Variants in ZPLD1 observed in about 807,000 individuals in gnomAD.
ZPLD1 encodes the protein zona pellucida like domain containing 1, also known as zona pellucida-like domain-containing protein 1.
A neutral mutation model predicts 47.2 loss-of-function variants in ZPLD1; 34 were observed. The ratio of observed to expected loss-of-function variants is 0.72; its 90% CI spans 0.55 to 0.96. The LOEUF (loss-of-function observed/expected upper bound fraction) is 0.96. ZPLD1 is among the 40% of genes least tolerant of loss of function. The probability of loss-of-function intolerance (pLI) is 0.00; values close to 1 mark genes in which losing one functional copy is unlikely to be tolerated. For synonymous variants in ZPLD1, 176 were observed against 186.2 expected (o/e 0.95, Z 0.45); for missense variants, 512 against 505.8 (o/e 1.01, Z -0.12).
At chr3:102,400,333 C>T (rs971564582) in intron 7 of ZPLD1, among the ~76,000 whole-genome samples, 1 of 152,018 alleles carries the variant, frequency 6.6e-6, no homozygotes, top group South Asian at 2.1e-4. Context: ...TGAACACAGT[C>T]TCTCACATTT....
intron 10 of ZPLD1, among the ~76,000 whole-genome samples, chr3:102,470,970 G>GGTC (rs1559762255): frequency 6.6e-6 from 1 of 151,948 alleles, no homozygotes; most frequent in Non-Finnish European, 1.5e-5. Flanking sequence ...GTAGAGATGG[G>GGTC]GTTTCACCAT....
chr3:102,439,053 T>C (rs1707135038), intron 3 of ZPLD1, among the ~76,000 whole-genome samples: 1 of 152,186 alleles, frequency 6.6e-6, no homozygotes, highest in Non-Finnish European at 1.5e-5. Context: ...AGAATGAATT[T>C]CACAGAAACC....
intron 7 of ZPLD1, among the ~76,000 whole-genome samples, chr3:102,406,190 A>C (rs962508268): frequency 1.3e-5 from 2 of 151,976 alleles, no homozygotes; most frequent in Admixed American, 1.3e-4. Flanking sequence ...CAGAAAACTC[A>C]GAGAAAAGTC....
At chr3:102,448,430 T>C (rs1362010360) in intron 3 of ZPLD1, among the ~76,000 whole-genome samples, 3 of 152,136 alleles carry the variant, frequency 2.0e-5, no homozygotes, top group Admixed American at 1.3e-4. Flanking sequence ...TGGCAGAAAT[T>C]GCCCTTTGGC....
At chr3:102,423,719 G>A (rs1362502469) in intron 8 of ZPLD1, among the ~76,000 whole-genome samples, 2 of 152,118 alleles carry the variant, frequency 1.3e-5, no homozygotes, top group African/African-American at 4.8e-5. Flanking sequence ...TGAGTTAGGT[G>A]AGTCTCCCTC....
chr3:102,456,166 A>G, intron 4 of ZPLD1, 27 bp from the exon 5 acceptor site: 8 of 1,595,526 alleles, frequency 5.0e-6, no homozygotes, highest in Non-Finnish European at 6.8e-6. Flanking sequence ...CCATTTAATC[A>G]TTAAACTGCA....
intron 7 of ZPLD1, among the ~76,000 whole-genome samples, chr3:102,397,608 A>G (rs1369190499): frequency 6.6e-6 from 1 of 152,108 alleles, no homozygotes. Flanking sequence ...GGTCTGTGTT[A>G]TGTCAGTCTC....
chr3:102,457,905 C>A (rs901867868), intron 6 of ZPLD1, 52 bp downstream of exon 6: 2 of 1,549,188 alleles, frequency 1.3e-6, no homozygotes, highest in Non-Finnish European at 1.8e-6. Context: ...TGTGAGGAGT[C>A]ATTTATGTGA....
intron 10 of ZPLD1, among the ~76,000 whole-genome samples, chr3:102,470,979 A>G (rs1466124293): frequency 6.6e-6 from 1 of 151,968 alleles, no homozygotes; most frequent in African/African-American, 2.4e-5. Context: ...GGGTTTCACC[A>G]TGTTGCTCAG....
chr3:102,466,008 G>A (rs1236723535), intron 8 of ZPLD1, among the ~76,000 whole-genome samples: 3 of 152,070 alleles, frequency 2.0e-5, no homozygotes, highest in African/African-American at 7.2e-5. Context: ...CCAGGGCTGG[G>A]GAATCTGAAG....
chr3:102,407,408 T>TAC (rs1706701718), intron 7 of ZPLD1, among the ~76,000 whole-genome samples: 2 of 78,522 alleles, frequency 2.5e-5, no homozygotes, highest in Non-Finnish European at 5.0e-5. Context: ...TATATATATA[T>TAC]ATATATATAT....
chr3:102,435,224 A>C (rs922486720), intron 1 of ZPLD1, 70 bp downstream of exon 1: 5 of 1,554,828 alleles, frequency 3.2e-6, no homozygotes, highest in Non-Finnish European at 4.4e-6. Context: ...GTTGAACTAT[A>C]AAGAAGGCTT....
At chr3:102,475,473 A>C (rs562340367) in intron 10 of ZPLD1, among the ~76,000 whole-genome samples, 26 of 152,334 alleles carry the variant, frequency 1.7e-4, no homozygotes, top group African/African-American at 5.5e-4. Flanking sequence ...GATTTCTAAA[A>C]AAAAGAATAG....
At chr3:102,469,982 A>G (rs147420555) in intron 9 of ZPLD1, among the ~76,000 whole-genome samples, 1 of 152,290 alleles carries the variant, frequency 6.6e-6, no homozygotes, top group African/African-American at 2.4e-5. Context: ...CTATTTCTTC[A>G]TACTCATTGA....
intron 2 of ZPLD1, among the ~76,000 whole-genome samples, chr3:102,438,150 AT>A (rs1707119826): frequency 1.3e-5 from 2 of 152,284 alleles, no homozygotes; most frequent in Admixed American, 6.5e-5. Context: ...TGCTATTCCA[AT>A]CTGCTAGATA....
intron 7 of ZPLD1, among the ~76,000 whole-genome samples, chr3:102,412,185 C>G (rs551659418): frequency 1.5e-3 from 235 of 151,852 alleles, no homozygotes; most frequent in African/African-American, 5.4e-3. Flanking sequence ...TTGTAAATAA[C>G]AATCATATCT....
At chr3:102,418,369 G>A (rs946371783) in intron 8 of ZPLD1, among the ~76,000 whole-genome samples, 16 of 152,004 alleles carry the variant, frequency 1.1e-4, no homozygotes, top group Admixed American at 3.3e-4. Context: ...GATGGGTAAT[G>A]TTTGGCCTGG....
intron 8 of ZPLD1, among the ~76,000 whole-genome samples, chr3:102,465,351 A>T (rs1216416028): frequency 1.3e-5 from 2 of 152,186 alleles, no homozygotes; most frequent in Admixed American, 6.5e-5. Flanking sequence ...TAGATAGAAA[A>T]AAATGGTTGG....
chr3:102,446,513 A>C (rs193224818), intron 3 of ZPLD1, among the ~76,000 whole-genome samples: 1 of 152,126 alleles, frequency 6.6e-6, no homozygotes, highest in East Asian at 1.9e-4. Context: ...TCTGCTGTAC[A>C]TTTCTGCTTG....
Sources: gnomAD v4.1 joint callset for allele counts (sites outside exome capture counted in the v4.1 genomes callset) on GRCh38, gnomAD v4.1.1 for gene constraint, MANE v1.5 for transcripts, NCBI Gene and HGNC (gene_info 2026-07-23, HGNC 2026-07-21) for gene names.